SLC2A9: variants seen among roughly 807,000 people sequenced by gnomAD.
SLC2A9 encodes solute carrier family 2, facilitated glucose transporter member 9.
Under a neutral mutation model 50.6 loss-of-function variants are expected in SLC2A9, and 39 were observed. That is an observed-to-expected ratio of 0.77 (90% confidence interval 0.60 to 1.01). SLC2A9 has a LOEUF of 1.01. Ranked by LOEUF, SLC2A9 falls within the 50% of genes least tolerant of loss-of-function variation. The pLI, the probability that SLC2A9 is intolerant of heterozygous loss-of-function variation, is 0.00. For synonymous variants in SLC2A9, 324 were observed against 276.9 expected, an observed-to-expected ratio of 1.17 and a Z score of -1.69; for missense variants, 686 against 677.6, an observed-to-expected ratio of 1.01 and a Z score of -0.14.
chr4:9,842,273 G>A (rs1300288090), intron 10 of SLC2A9, among the ~76,000 whole-genome samples: 1 of 152,140 alleles, frequency 6.6e-6, no homozygotes, highest in Non-Finnish European at 1.5e-5. Flanking sequence ...ATTTCTTGTG[G>A]TAGGTGTGTA....
At chr4:9,979,510 G>A (rs1361792081) in intron 5 of SLC2A9, among the ~76,000 whole-genome samples, 1 of 152,020 alleles carries the variant, frequency 6.6e-6, no homozygotes, top group Non-Finnish European at 1.5e-5. Flanking sequence ...GCATCCCTGG[G>A]AGGCATCCCC....
At chr4:9,908,660 G>A (rs992175308) in intron 7 of SLC2A9, among the ~76,000 whole-genome samples, 7 of 151,772 alleles carry the variant, frequency 4.6e-5, no homozygotes, top group African/African-American at 1.2e-4. Context: ...CCATTAACTC[G>A]TCATTTACAT....
At chr4:9,896,597 A>T (rs976678604) in intron 8 of SLC2A9, among the ~76,000 whole-genome samples, 2 of 152,180 alleles carry the variant, frequency 1.3e-5, no homozygotes, top group Admixed American at 6.5e-5. Context: ...CACAGTTTTT[A>T]ATTTTGATGA....
intron 5 of SLC2A9, 85 bp downstream of exon 5, chr4:9,980,507 G>A (rs183283843): frequency 2.6e-5 from 42 of 1,594,866 alleles, no homozygotes; most frequent in Non-Finnish European, 3.5e-5. Context: ...CAAAATACAG[G>A]GACCAGCTTT....
intron 11 of SLC2A9, among the ~76,000 whole-genome samples, chr4:9,828,111 T>C (rs1725441038): frequency 6.6e-6 from 1 of 152,196 alleles, no homozygotes; most frequent in Non-Finnish European, 1.5e-5. Flanking sequence ...TCTCTGCTGA[T>C]GGCACCTCCA....
In SLC2A9 at chr4:9,880,223, C is replaced by T. The variant is rs1734973736; in HGVS notation, c.1291+7344G>A. 4.1e-6 allele frequency: 4 copies of T among 985,358 alleles called. No homozygotes were observed. The South Asian group carries it at 1.4e-4, about 35-fold the overall frequency. The allele number at this position is 985,358 out of a possible 1,614,324, so 61.0% of individuals were successfully genotyped here. A position where few individuals can be genotyped will look rare whatever the true frequency, so the allele number is the denominator to read the frequency against. On this transcript the variant is annotated intron_variant, in intron 10 of 11. Coordinates refer to ENST00000264784, the MANE Select transcript of SLC2A9 (RefSeq NM_020041.3). ...AAGTTCCCTGAGGCTTTAAACTGTA[C>T]ACTCTCAATGTGAGTTTAAATGAAG...
rs73096632 is a variant in SLC2A9, at chr4:9,933,094, C to A, written c.814+8819G>T. Among the ~76,000 whole-genome samples the A allele has an allele frequency of 6.6e-3, 1,003 of 152,324 alleles. 16 individuals are homozygous for A. The highest frequency in any genetic ancestry group is 0.023 in the African/African-American group (967 of 41,566). Reference sequence around the variant, plus strand: ...GTAAGAGATGGGATCAGTTCTTGAACCCAAACTCACCTGGCATCAAAACTG... The same window carrying A: ...GTAAGAGATGGGATCAGTTCTTGAAACCAAACTCACCTGGCATCAAAACTG... On this transcript the variant is annotated intron_variant, in intron 6 of 11. Transcript: ENST00000264784.
chr4:9,810,831 CT>C (rs920259994), intron 3 of SLC2A9, among the ~76,000 whole-genome samples: 176 of 152,328 alleles, frequency 1.2e-3, no homozygotes, highest in African/African-American at 4.0e-3. Context: ...CATTTTCATC[CT>C]GGAAGGGCCA....
At chr4:9,998,171 A>C (rs756415136) in intron 2 of SLC2A9, among the ~76,000 whole-genome samples, 2 of 152,148 alleles carry the variant, frequency 1.3e-5, no homozygotes, top group African/African-American at 2.4e-5. Context: ...TACACCAAAG[A>C]CTGAGGTCCA....
chr4:9,774,399 T>C (rs753509570), intron 1 of SLC2A9, among the ~76,000 whole-genome samples: 2 of 152,234 alleles, frequency 1.3e-5, no homozygotes, highest in African/African-American at 2.4e-5. Context: ...CCTTTGCCCG[T>C]GATGTTCCCT....
At chr4:9,790,335 G>A (rs537685409) in intron 3 of SLC2A9, among the ~76,000 whole-genome samples, 1 of 152,302 alleles carries the variant, frequency 6.6e-6, no homozygotes, top group Admixed American at 6.5e-5. Context: ...TTTCCAATGG[G>A]TAATTAGACC....
intron 9 of SLC2A9, among the ~76,000 whole-genome samples, chr4:9,888,741 G>C (rs115588684): frequency 2.0e-5 from 3 of 152,126 alleles, no homozygotes; most frequent in Admixed American, 6.5e-5. Context: ...CCATCGGCGG[G>C]GGGGTAAGCT....
Position 9,845,522 on chromosome 4 carries a change from C to T in SLC2A9, c.1292-10514G>A, listed in dbSNP as rs1016477888. Among the ~76,000 whole-genome samples the T allele has an allele frequency of 5.4e-3, 793 of 145,926 alleles. 7 individuals carry two copies. Among genetic ancestry groups the T allele is most frequent in the African/African-American group, 0.02 (759 of 38,622 alleles). On this transcript the variant is annotated intron_variant, in intron 10 of 11. Coordinates refer to ENST00000264784, the MANE Select transcript of SLC2A9 (RefSeq NM_020041.3). Reference sequence around the variant, plus strand: ...TCGGCTCACTGCAAGCTCCGCCTCCCGGGTTCACGCCATTCTCCTGCCTCA... The same window carrying T: ...TCGGCTCACTGCAAGCTCCGCCTCCTGGGTTCACGCCATTCTCCTGCCTCA...
chr4:9,819,681 C>T (rs1003655771), intron 3 of SLC2A9, among the ~76,000 whole-genome samples: 1 of 152,244 alleles, frequency 6.6e-6, no homozygotes, highest in African/African-American at 2.4e-5. Flanking sequence ...TGCCTGTAAT[C>T]CCAGCACTTT....
rs181295857 is a variant in SLC2A9, at chr4:9,905,101, C to T, written c.1113+3134G>A. ...CAGGTTTGCTTTTCTCTCTAGATCA[C>T]GGCAACGTCACCTGTGACAGCTGGC... On this transcript the variant is annotated intron_variant, in intron 8 of 11. Transcript: ENST00000264784. Among the ~76,000 whole-genome samples the T allele has an allele frequency of 1.1e-3, 166 of 152,344 alleles. 1 individual carries two copies. The highest frequency in any genetic ancestry group is 3.7e-3 in the African/African-American group (155 of 41,580).
At chr4:10,000,723 C>T (rs532145378) in intron 2 of SLC2A9, among the ~76,000 whole-genome samples, 4 of 152,200 alleles carry the variant, frequency 2.6e-5, no homozygotes, top group East Asian at 1.9e-4. Flanking sequence ...CTCTTTATGT[C>T]CTGCTGGACA....
chr4:9,887,500 A>G (rs1577707058), intron 10 of SLC2A9, 67 bp downstream of exon 10: 1 of 1,461,920 alleles, frequency 6.8e-7, no homozygotes, highest in East Asian at 2.6e-5. Flanking sequence ...CTGTATGAGG[A>G]GAGCCCCCCA....
downstream of SLC2A9, among the ~76,000 whole-genome samples, chr4:9,776,765 A>T (rs1717625972): frequency 6.6e-6 from 1 of 152,122 alleles, no homozygotes; most frequent in African/African-American, 2.4e-5. Flanking sequence ...TAAAGACTGT[A>T]GCATTGAGAT....
chr4:9,907,023 T>C (rs1166971511), intron 8 of SLC2A9, among the ~76,000 whole-genome samples: 2 of 152,256 alleles, frequency 1.3e-5, no homozygotes, highest in Non-Finnish European at 2.9e-5. Context: ...TGAAATGTTC[T>C]GTCAACAAGA....
Sources: allele counts gnomAD v4.1 joint callset (sites outside exome capture counted in the v4.1 genomes callset), GRCh38; gene constraint gnomAD v4.1.1; transcripts MANE v1.5; gene names NCBI Gene and HGNC (gene_info 2026-07-23, HGNC 2026-07-21).